The following TTLL4 variants were observed in gnomAD, a reference collection of about 807,000 sequenced individuals.
TTLL4 encodes tubulin tyrosine ligase like 4.
In TTLL4, 85 loss-of-function variants were observed where a neutral mutation model predicts 122.7. That is an observed-to-expected ratio of 0.69 (90% confidence interval 0.58 to 0.83). The LOEUF (loss-of-function observed/expected upper bound fraction) is 0.83, where lower values mean the gene tolerates loss of function less well. Among genes scored for constraint, TTLL4 ranks in the 40% least tolerant of loss-of-function variants. The pLI, the probability that TTLL4 is intolerant of heterozygous loss-of-function variation, is 0.00. For missense variants in TTLL4, 1,363 were observed against 1,488.6 expected, an observed-to-expected ratio of 0.92 and a Z score of 1.39; for synonymous variants, 553 against 563.0, an observed-to-expected ratio of 0.98 and a Z score of 0.25.
intron 2 of TTLL4, among the ~76,000 whole-genome samples, chr2:218,735,967 C>CT (rs765207077): frequency 0.047 from 3,775 of 79,998 alleles, 267 homozygotes; most frequent in African/African-American, 0.14. Context: ...CGTGCCCAGC[C>CT]TTTTTTTTTT....
Position 218,738,120 on chromosome 2 carries a change from C to G in TTLL4, c.444C>G (p.Leu148=), listed in dbSNP as rs1245092110. ...CGTCAGAAAAAAGCCCTTTTTCTCT[C>G]CCTCAAAAGAGCCTCCCTGTCAGTC... The part of the protein sequence containing the change: ...SSPSEKSPFS[L]PQKSLPVSLT... The change falls in exon 3 of 20, where the codon CTC becomes CTG. Residue 148 remains leucine (L), a synonymous_variant. Coordinates refer to ENST00000392102, the MANE Select transcript of TTLL4 (RefSeq NM_014640.5). 6.2e-7 allele frequency: 1 copy of G among 1,614,098 alleles called. No homozygotes were observed. The highest frequency in any genetic ancestry group is 8.5e-7 in the Non-Finnish European group (1 of 1,180,022).
At position 218,754,620 on chromosome 2, in the gene TTLL4, G is replaced by A. The variant is rs1943114655; in HGVS notation, c.*231G>A. ...CCTCTGTCACCTGTCTGCCTGGCTG[G>A]CACCTCATATCTCAGCAGAGAAGCC... On this transcript the variant is annotated 3_prime_UTR_variant, in exon 20 of 20. Coordinates refer to ENST00000392102, the MANE Select transcript of TTLL4 (RefSeq NM_014640.5). The A allele has an allele frequency of 1.6e-6, 1 of 617,650 alleles. No homozygotes were observed. The highest frequency in any genetic ancestry group is 3.0e-5 in the Admixed American group (1 of 33,014). 38.3% of individuals were successfully genotyped at this position (617,650 alleles called of 1,614,324 possible). A position where few individuals can be genotyped will look rare whatever the true frequency, so the allele number is the denominator to read the frequency against.
At chr2:218,729,770 A>AAAAAC (rs1942312717) in intron 2 of TTLL4, among the ~76,000 whole-genome samples, 1 of 140,474 alleles carries the variant, frequency 7.1e-6, no homozygotes, top group African/African-American at 2.6e-5. Context: ...AAACAAAAAA[A>AAAAAC]AAAAAAACAG....
intron 5 of TTLL4, among the ~76,000 whole-genome samples, chr2:218,741,572 C>T (rs1041430687): frequency 5.3e-5 from 8 of 152,098 alleles, no homozygotes; most frequent in African/African-American, 1.2e-4. Context: ...AAAGTGGGAG[C>T]GAGAACTGGG....
chr2:218,735,532 C>T (rs1489397809), intron 2 of TTLL4, among the ~76,000 whole-genome samples: 1 of 152,140 alleles, frequency 6.6e-6, no homozygotes, highest in Non-Finnish European at 1.5e-5. Context: ...CATGTTTGTG[C>T]CACTGCATTC....
Position 218,739,064 on chromosome 2 carries a change from C to G in TTLL4, c.1388C>G (p.Ala463Gly). 6.2e-7 allele frequency: 1 copy of G among 1,613,890 alleles called. No individual in the cohort carries two copies. Among genetic ancestry groups the G allele is most frequent in the South Asian group, 1.1e-5 (1 of 91,084 alleles). Residue 463 changes from alanine to glycine, a missense_variant, in exon 3 of 20, where the codon GCC (alanine) becomes GGC (glycine). By Grantham distance (60) the Ala-to-Gly change is moderately conservative (BLOSUM62 0). This residue lies in a region of TTLL4 where 760 missense variants were observed against 808.4 expected (regional missense o/e 0.94). Coordinates refer to ENST00000392102, the MANE Select transcript of TTLL4 (RefSeq NM_014640.5). ...CCTTTTCCTCAAACTCTTGGCATAG[C>G]CAACGTGGCCACCCGCCTCTCTTCC... is the stretch of plus-strand genomic sequence containing the variant. ...GPPFPQTLGIANVATRLSSIQ... is the reference protein window; with the variant it reads ...GPPFPQTLGIGNVATRLSSIQ...
chr2:218,725,947 G>A (rs1942180068), intron 1 of TTLL4, among the ~76,000 whole-genome samples: 1 of 152,246 alleles, frequency 6.6e-6, no homozygotes, highest in South Asian at 2.1e-4. Flanking sequence ...TGATTAGATT[G>A]CATATCATAA....
At chr2:218,714,729 A>T (rs1053640814) in intron 1 of TTLL4, among the ~76,000 whole-genome samples, 38 of 149,770 alleles carry the variant, frequency 2.5e-4, no homozygotes, top group African/African-American at 8.6e-4. Context: ...ATCTTCAGTT[A>T]AAAAAAAAGG....
chr2:218,739,507 C>T (rs1045049258), intron 3 of TTLL4, among the ~76,000 whole-genome samples: 3 of 152,178 alleles, frequency 2.0e-5, no homozygotes, highest in South Asian at 4.1e-4. Context: ...AGAAAGAGTT[C>T]GCCAACCCCT....
Position 218,738,188 on chromosome 2 carries a change from C to T in TTLL4, c.512C>T (p.Ala171Val), listed in dbSNP as rs1434037388. Reference protein sequence around the residue: ...KATSSMVFSMAQPMASSSTEP... With the variant: ...KATSSMVFSMVQPMASSSTEP... ...ACTTCTTCCATGGTCTTCTCCATGG[C>T]CCAGCCCATGGCCTCCTCATCCACA... The change falls in exon 3 of 20, where the codon GCC becomes GTC. Residue 171 changes from alanine to valine, a missense_variant. Ala to Val is a moderately conservative substitution (Grantham distance 64). Transcript: ENST00000392102. 7 of 1,613,956 alleles carry T rather than the reference C, an allele frequency of 4.3e-6. No individual in the cohort carries two copies. Among genetic ancestry groups the T allele is most frequent in the African/African-American group, 4.0e-5 (3 of 74,896 alleles).
Position 218,745,781 on chromosome 2 carries a change from C to T in TTLL4, c.1877C>T (p.Ser626Phe). ...PNIVKQTIGR[S>F]HFKISKRNDD... ...ATTGTCAAGCAGACCATTGGACGGT[C>T]CCACTTCAAAATCAGCAAAAGTGAG... Residue 626 changes from serine to phenylalanine, a missense_variant, in exon 7 of 20, where the codon TCC becomes TTC. Ser to Phe is a radical substitution (Grantham distance 155). This residue lies in a region of TTLL4 where 760 missense variants were observed against 808.4 expected (regional missense o/e 0.94). Coordinates refer to ENST00000392102, the MANE Select transcript of TTLL4 (RefSeq NM_014640.5). The T allele has an allele frequency of 6.2e-7, 1 of 1,613,326 alleles. No individual in the cohort carries two copies. Among genetic ancestry groups the T allele is most frequent in the South Asian group, 1.1e-5 (1 of 90,898 alleles).
chr2:218,715,323 A>G (rs6759663), intron 1 of TTLL4, among the ~76,000 whole-genome samples: 9,196 of 152,326 alleles, frequency 0.06, 917 homozygotes, highest in African/African-American at 0.21. Flanking sequence ...TGCAAAACAA[A>G]GCATGATTTT....
At chr2:218,724,556 T>G (rs1942132827) in intron 1 of TTLL4, among the ~76,000 whole-genome samples, 1 of 152,206 alleles carries the variant, frequency 6.6e-6, no homozygotes, top group South Asian at 2.1e-4. Flanking sequence ...TTATTTTACT[T>G]TATATAATGA....
chr2:218,753,292 C>T lies in TTLL4; in HGVS notation c.3258+107C>T. ...GTATGTATAGGCCTCTCTCACTTCT[C>T]CGCTAGGCTCTGCTTCTGTCTCACC... On this transcript the variant is annotated intron_variant, in intron 18 of 19. Coordinates refer to ENST00000392102, the MANE Select transcript of TTLL4 (RefSeq NM_014640.5). 2.5e-6 allele frequency: 3 copies of T among 1,183,448 alleles called. No individual in the cohort carries two copies. The Admixed American group carries it at 5.1e-5, about 20-fold the overall frequency. The allele number at this position is 1,183,448 out of a possible 1,614,324, so 73.3% of individuals were successfully genotyped here. A position where few individuals can be genotyped will look rare whatever the true frequency, so the allele number is the denominator to read the frequency against.
chr2:218,749,480 T>C lies in TTLL4; in HGVS notation c.2735+93T>C, dbSNP rs535878795. The stretch of plus-strand genomic sequence containing the variant: ...CAGTAAGTTGTTCTTTTTTTTTTTT[T>C]TTCTTTGAGATGGAGTCTCGCTCTG... On this transcript the variant is annotated intron_variant, in intron 14 of 19. Coordinates refer to ENST00000392102, the MANE Select transcript of TTLL4 (RefSeq NM_014640.5). 8.7e-4 allele frequency: 1,319 copies of C among 1,520,182 alleles called. 8 individuals carry two copies. The African/African-American group carries it at 0.016, about 18-fold the overall frequency. 94.2% of individuals were successfully genotyped at this position (1,520,182 alleles called of 1,614,324 possible).
chr2:218,748,036 A>G (rs1942895949), intron 11 of TTLL4, 69 bp from the exon 12 acceptor site: 1 of 1,595,636 alleles, frequency 6.3e-7, no homozygotes, highest in East Asian at 2.2e-5. Context: ...GGATTTGGGG[A>G]AATGTTTGGC....
Position 218,747,388 on chromosome 2 carries a change from A to C in TTLL4, c.2249+16A>C. The C allele has an allele frequency of 1.9e-6, 3 of 1,613,384 alleles. No individual in the cohort carries two copies. The South Asian group carries it at 3.3e-5, about 18-fold the overall frequency. On this transcript the variant is annotated intron_variant, in intron 10 of 19. Coordinates refer to ENST00000392102, the MANE Select transcript of TTLL4 (RefSeq NM_014640.5). This position sits in a 1 kb window ranked among gnomAD's most constrained non-coding sequence, Gnocchi z 4.7. The stretch of plus-strand genomic sequence containing the variant: ...TGGTACAGAGGTGAGCCTGTAGCAC[A>C]TATCCCTTACCCCATCCTCCCACCT...
At chr2:218,720,409 C>T (rs1439868250) in intron 1 of TTLL4, among the ~76,000 whole-genome samples, 2 of 152,060 alleles carry the variant, frequency 1.3e-5, no homozygotes, top group African/African-American at 2.4e-5. Flanking sequence ...AGGGGAACGC[C>T]TTTTTCATAT....
downstream of TTLL4, among the ~76,000 whole-genome samples, chr2:218,756,683 G>T (rs1943157537): frequency 6.6e-6 from 1 of 152,142 alleles, no homozygotes; most frequent in African/African-American, 2.4e-5. Flanking sequence ...GGTTAAATTG[G>T]GAGTATAGTA....
Sources: gnomAD v4.1 joint callset for allele counts (sites outside exome capture counted in the v4.1 genomes callset) on GRCh38, gnomAD v4.1.1 for gene constraint, gnomAD v4.1.1 regional missense constraint, Gnocchi (gnomAD v3.1) non-coding constraint, MANE v1.5 for transcripts, NCBI Gene and HGNC (gene_info 2026-07-23, HGNC 2026-07-21) for gene names.